The following EPHA5 variants were observed in gnomAD, a reference collection of about 807,000 sequenced individuals.
The protein encoded by EPHA5 is ephrin type-A receptor 5.
In EPHA5, 60 loss-of-function variants were observed where a neutral mutation model predicts 105.0. The observed-to-expected ratio is 0.57, with a 90% CI of 0.46 to 0.71. The LOEUF (loss-of-function observed/expected upper bound fraction) is 0.71. Among genes scored for constraint, EPHA5 ranks in the 30% least tolerant of loss-of-function variants. The pLI is 0.00. For missense variants in EPHA5, 1,218 were observed against 1,274.7 expected (o/e 0.96, Z 0.68); for synonymous variants, 513 against 449.1 (o/e 1.14, Z -1.80).
At chr4:65,573,993 C>G (rs1740521751) in intron 3 of EPHA5, 2 of 1,594,736 alleles carry the variant, frequency 1.3e-6, no homozygotes, top group Middle Eastern at 1.7e-4. Context: ...TGTGACTGGA[C>G]CTCTGGTCCT....
chr4:65,596,158 T>A (rs955766785), intron 3 of EPHA5, among the ~76,000 whole-genome samples: 1 of 152,326 alleles, frequency 6.6e-6, no homozygotes, highest in East Asian at 1.9e-4. Context: ...AGGTATCCAG[T>A]CCATAAACAT....
At chr4:65,528,617 A>G (rs1735468106) in intron 3 of EPHA5, among the ~76,000 whole-genome samples, 1 of 152,152 alleles carries the variant, frequency 6.6e-6, no homozygotes, top group Non-Finnish European at 1.5e-5. Context: ...TGATTTGCAT[A>G]CTATGTACTT....
At chr4:65,361,035 A>T (rs1471886917) in intron 11 of EPHA5, among the ~76,000 whole-genome samples, 1 of 151,690 alleles carries the variant, frequency 6.6e-6, no homozygotes, top group Non-Finnish European at 1.5e-5. Flanking sequence ...TTCATTCAAC[A>T]CATATATAAA....
intron 14 of EPHA5, among the ~76,000 whole-genome samples, chr4:65,343,465 C>T (rs773137524): frequency 1.3e-5 from 2 of 152,130 alleles, no homozygotes; most frequent in African/African-American, 4.8e-5. Context: ...GGTAACGTAA[C>T]ATTTTCATGG....
rs370884839 is a variant in EPHA5, at chr4:65,595,749, T to C, written c.910+5892A>G. ...GCTCCCGCCACCACGCCGGGCTAAT[T>C]TTTTGTATATTTACTAGAGACGAGG... On this transcript the variant is annotated intron_variant, in intron 3 of 16. Coordinates refer to ENST00000613740, the MANE Select transcript of EPHA5 (RefSeq NM_001281766.3). Among the ~76,000 whole-genome samples the C allele has an allele frequency of 3.9e-5, 6 of 152,050 alleles. No individual in the cohort carries two copies. In the East Asian group the frequency reaches 9.7e-4, roughly 25 times the overall value.
At chr4:65,517,556 T>A (rs2149271885) in intron 3 of EPHA5, among the ~76,000 whole-genome samples, 1 of 152,006 alleles carries the variant, frequency 6.6e-6, no homozygotes, top group African/African-American at 2.4e-5. Flanking sequence ...AAATTTACTA[T>A]TATATTGTCT....
At chr4:65,443,164 A>G (rs1440205252) in intron 5 of EPHA5, among the ~76,000 whole-genome samples, 6 of 152,022 alleles carry the variant, frequency 3.9e-5, no homozygotes, top group Admixed American at 2.0e-4. Context: ...TGCCCTAGTT[A>G]TTTACAACTT....
In EPHA5 at chr4:65,669,614, G is replaced by C. The variant is rs986405158; in HGVS notation, c.129C>G (p.Cys43Trp). 17 of 1,432,898 alleles carry C rather than the reference G, an allele frequency of 1.2e-5. No individual in the cohort carries two copies. The highest frequency in any genetic ancestry group is 1.5e-5 in the Non-Finnish European group (16 of 1,087,232). The allele number at this position is 1,432,898 out of a possible 1,614,324, so 88.8% of individuals were successfully genotyped here. ...SAPRRAPLWT[C>W]LLLCAALRTL... The stretch of plus-strand genomic sequence containing the variant: ...TCCGGAGTGCGGCGCACAGGAGAAG[G>C]CACGTCCAGAGGGGAGCCCGTCGAG... Residue 43 changes from cysteine to tryptophan, a missense_variant, in exon 1 of 17, where the codon TGC (cysteine) becomes TGG (tryptophan). Coordinates refer to ENST00000613740, the MANE Select transcript of EPHA5 (RefSeq NM_001281766.3).
intron 5 of EPHA5, among the ~76,000 whole-genome samples, 197 bp from the exon 6 acceptor site, chr4:65,420,762 T>C (rs1408217729): frequency 1.3e-5 from 2 of 152,124 alleles, no homozygotes; most frequent in Non-Finnish European, 2.9e-5. Flanking sequence ...ATCCTCAGGA[T>C]TTTTTCATAA....
At chr4:65,346,560 A>C (rs1722244776) in intron 14 of EPHA5, among the ~76,000 whole-genome samples, 1 of 151,990 alleles carries the variant, frequency 6.6e-6, no homozygotes, top group Admixed American at 6.6e-5. Context: ...TTATTATTAT[A>C]TTTTAAGTTC....
intron 5 of EPHA5, among the ~76,000 whole-genome samples, chr4:65,423,714 G>A (rs1724152599): frequency 6.8e-6 from 1 of 147,218 alleles, no homozygotes; most frequent in South Asian, 2.2e-4. Context: ...GGGACTAAAA[G>A]ACCAGATGCT....
rs762968961 is a variant in EPHA5, at chr4:65,490,507, G to A, written c.1272C>T (p.Thr424=). The change falls in exon 5 of 17, where the codon ACC becomes ACT. Residue 424 remains threonine, a synonymous_variant. Coordinates refer to ENST00000613740, the MANE Select transcript of EPHA5 (RefSeq NM_001281766.3). ...CGAGTAGATCCACCATCATGACAGAGGTGTTTTTCAGGCCGCTTTGCCGGG... is the reference window on the plus strand; with the variant it reads ...CGAGTAGATCCACCATCATGACAGAAGTGTTTTTCAGGCCGCTTTGCCGGG... The part of the protein sequence containing the change: ...YLPRQSGLKN[T]SVMMVDLLAH... 1 of 1,614,118 alleles carries A rather than the reference G, an allele frequency of 6.2e-7. No individual in the cohort carries two copies. Among genetic ancestry groups the A allele is most frequent in the Non-Finnish European group, 8.5e-7 (1 of 1,180,022 alleles).
intron 16 of EPHA5, among the ~76,000 whole-genome samples, chr4:65,330,295 A>ATTTGTCTTTT (rs1720484029): frequency 6.6e-6 from 1 of 151,520 alleles, no homozygotes; most frequent in Non-Finnish European, 1.5e-5. Flanking sequence ...GAAAGAAAAC[A>ATTTGTCTTTT]AAAACTAAAG....
In EPHA5 at chr4:65,622,448, C is replaced by G. The variant is rs764042056; in HGVS notation, c.247-20144G>C. 1.1e-3 allele frequency among the ~76,000 whole-genome samples: 163 copies of G among 152,032 alleles called. 4 individuals are homozygous for G. The highest frequency in any genetic ancestry group is 2.8e-4 in the Non-Finnish European group (19 of 67,968). ...AAAAAAAATTAGAAAACTATTCAAG[C>G]GTTCTTGCCTTTAAATGAAGATAAA... On this transcript the variant is annotated intron_variant, in intron 2 of 16. Coordinates refer to ENST00000613740, the MANE Select transcript of EPHA5 (RefSeq NM_001281766.3).
chr4:65,428,471 A>G (rs1724663473), intron 5 of EPHA5, among the ~76,000 whole-genome samples: 1 of 152,102 alleles, frequency 6.6e-6, no homozygotes, highest in South Asian at 2.1e-4. Context: ...TTTCTCAAAT[A>G]AAAATTCAAT....
chr4:65,343,209 A>G (rs1721898982), intron 14 of EPHA5, among the ~76,000 whole-genome samples: 1 of 152,204 alleles, frequency 6.6e-6, no homozygotes, highest in Non-Finnish European at 1.5e-5. Context: ...AGTGTTTACT[A>G]TCAATAAATA....
In EPHA5 at chr4:65,669,791, C is replaced by T. The variant is rs1416425657; in HGVS notation, c.-49G>A. ...CGCTGTCCCGAGCGGCTCAGTCCAC[C>T]GCTTCGGCCTCGCAGAGCGGCGAAG... On this transcript the variant is annotated 5_prime_UTR_variant, in exon 1 of 17. Coordinates refer to ENST00000613740, the MANE Select transcript of EPHA5 (RefSeq NM_001281766.3). 5.7e-6 allele frequency: 7 copies of T among 1,236,260 alleles called. No individual in the cohort carries two copies. The highest frequency in any genetic ancestry group is 1.5e-5 in the African/African-American group (1 of 64,584). 76.6% of individuals were successfully genotyped at this position (1,236,260 alleles called of 1,614,324 possible).
At chr4:65,576,059 A>AAAGAAAGAAAG (rs1491350087) in intron 3 of EPHA5, among the ~76,000 whole-genome samples, 16 of 61,426 alleles carry the variant, frequency 2.6e-4, no homozygotes, top group South Asian at 7.3e-4. Context: ...AGAAAGAAAG[A>AAAGAAAGAAAG]AAAGAAAAGA....
intron 8 of EPHA5, among the ~76,000 whole-genome samples, chr4:65,369,321 T>C (rs1446178144): frequency 6.6e-6 from 1 of 152,162 alleles, no homozygotes; most frequent in Non-Finnish European, 1.5e-5. Context: ...TTTAAATTAT[T>C]TTTAGTGAAA....
Sources: gnomAD v4.1 joint callset for allele counts (sites outside exome capture counted in the v4.1 genomes callset) on GRCh38, gnomAD v4.1.1 for gene constraint, MANE v1.5 for transcripts, NCBI Gene and HGNC (gene_info 2026-07-23, HGNC 2026-07-21) for gene names.